Variants in SCUBE1 observed in about 807,000 individuals in gnomAD.
SCUBE1 encodes the protein signal peptide, CUB and EGF-like domain-containing protein 1.
In SCUBE1, 59 loss-of-function variants were observed where a neutral mutation model predicts 124.4. That is an observed-to-expected ratio of 0.47 (90% CI 0.38 to 0.59). The LOEUF (loss-of-function observed/expected upper bound fraction) is 0.59, where lower values mean the gene tolerates loss of function less well. Among genes scored for constraint, SCUBE1 ranks in the 20% least tolerant of loss-of-function variants. The pLI, the probability that SCUBE1 is intolerant of heterozygous loss-of-function variation, is 0.00. For missense variants in SCUBE1, 1,150 were observed against 1,371.2 expected, an observed-to-expected ratio of 0.84 and a Z score of 2.55; for synonymous variants, 545 against 550.9, an observed-to-expected ratio of 0.99 and a Z score of 0.15.
At chr22:43,274,627 G>A (rs1274896094) in intron 4 of SCUBE1, among the ~76,000 whole-genome samples, 1 of 152,246 alleles carries the variant, frequency 6.6e-6, no homozygotes, top group Non-Finnish European at 1.5e-5. Context: ...TGTTCCCACA[G>A]CAGCCCTGGG....
At chr22:43,277,431 GGCAGC>G (rs1384820748) in intron 4 of SCUBE1, among the ~76,000 whole-genome samples, 4 of 152,184 alleles carry the variant, frequency 2.6e-5, no homozygotes, top group African/African-American at 9.7e-5. Flanking sequence ...GGCAAAAGAC[GGCAGC>G]GCAGCCCTAG....
chr22:43,277,679 C>G (rs1924587308), intron 4 of SCUBE1, among the ~76,000 whole-genome samples: 1 of 152,256 alleles, frequency 6.6e-6, no homozygotes, highest in African/African-American at 2.4e-5. Flanking sequence ...ATGACACAGA[C>G]TGTTCTCAGG....
intron 10 of SCUBE1, among the ~76,000 whole-genome samples, chr22:43,224,507 G>A (rs563159767): frequency 1.3e-5 from 2 of 152,298 alleles, no homozygotes; most frequent in South Asian, 2.1e-4. Context: ...GGGACCAGAT[G>A]GCGACACAGG....
chr22:43,198,144 G>T lies in SCUBE1; in HGVS notation c.*5853C>A, dbSNP rs1920954873. The T allele has an allele frequency of 4.6e-6, 1 of 216,400 alleles. No homozygotes were observed. The highest frequency in any genetic ancestry group is 2.3e-5 in the African/African-American group (1 of 43,414). The allele number at this position is 216,400 out of a possible 1,614,324, so 13.4% of individuals were successfully genotyped here. A position where few individuals can be genotyped will look rare whatever the true frequency, so the allele number is the denominator to read the frequency against. On this transcript the variant is annotated 3_prime_UTR_variant, in exon 22 of 22. Coordinates refer to ENST00000360835, the MANE Select transcript of SCUBE1 (RefSeq NM_173050.5). ...CCCACCATCTACATGGGGCTGGGGG[G>T]ATGGAATGTGTGGATATTAGAGGGT...
intron 4 of SCUBE1, among the ~76,000 whole-genome samples, chr22:43,280,813 C>T (rs1238202616): frequency 1.3e-4 from 16 of 127,422 alleles, no homozygotes; most frequent in African/African-American, 4.3e-4. Context: ...TCACCTCCCT[C>T]AGCCATCCTC....
intron 3 of SCUBE1, among the ~76,000 whole-genome samples, chr22:43,303,933 T>C (rs1925868165): frequency 6.6e-6 from 1 of 152,252 alleles, no homozygotes; most frequent in African/African-American, 2.4e-5. Context: ...CCTTCAGTGC[T>C]GTGGCTTGGC....
In SCUBE1 at chr22:43,203,388, A is replaced by T. The variant is rs1462427762; in HGVS notation, c.*609T>A. 1 of 147,564 alleles carries T rather than the reference A, an allele frequency of 6.8e-6. No homozygotes were observed. The highest frequency in any genetic ancestry group is 1.5e-5 in the Non-Finnish European group (1 of 67,038). The allele number at this position is 147,564 out of a possible 1,614,324, so 9.1% of individuals were successfully genotyped here. ...TATATATATATTTATATATATATTT[A>T]TATATATATATAGAGTACTTCATTA... On this transcript the variant is annotated 3_prime_UTR_variant, in exon 22 of 22. Coordinates refer to ENST00000360835, the MANE Select transcript of SCUBE1 (RefSeq NM_173050.5).
In SCUBE1 at chr22:43,325,696, C is replaced by T. The variant is rs376727870; in HGVS notation, c.221-5631G>A. Among the ~76,000 whole-genome samples the T allele has an allele frequency of 2.0e-4, 31 of 152,134 alleles. 1 individual carries two copies. Among genetic ancestry groups the T allele is most frequent in the African/African-American group, 7.5e-4 (31 of 41,500 alleles). On this transcript the variant is annotated intron_variant, in intron 2 of 21. Coordinates refer to ENST00000360835, the MANE Select transcript of SCUBE1 (RefSeq NM_173050.5). The stretch of plus-strand genomic sequence containing the variant: ...GCAATTCACTCCAAGCATCCCTGTT[C>T]CTTCCCCTGCTTGGATTTTTTTTTG...
intron 6 of SCUBE1, among the ~76,000 whole-genome samples, chr22:43,249,123 G>A (rs1923336146): frequency 1.3e-5 from 2 of 152,124 alleles, no homozygotes; most frequent in African/African-American, 4.8e-5. Context: ...GTAGAGAGAA[G>A]AGGATGTGAC....
chr22:43,282,365 C>G (rs1924949950), intron 4 of SCUBE1: 1 of 152,338 alleles, frequency 6.6e-6, no homozygotes, highest in African/African-American at 2.4e-5. Flanking sequence ...TCTCTCTGCT[C>G]CAGACATCAT....
chr22:43,226,126 G>A (rs1922292247), intron 10 of SCUBE1, among the ~76,000 whole-genome samples: 3 of 152,248 alleles, frequency 2.0e-5, no homozygotes. Context: ...GTCAGGGTCT[G>A]TTCCAGGTGC....
chr22:43,246,136 G>C (rs141839296), intron 6 of SCUBE1, among the ~76,000 whole-genome samples: 1 of 152,182 alleles, frequency 6.6e-6, no homozygotes, highest in Non-Finnish European at 1.5e-5. Context: ...TTGGAGGACA[G>C]GGAGGTTTCA....
intron 2 of SCUBE1, among the ~76,000 whole-genome samples, chr22:43,327,140 G>A (rs1926753092): frequency 6.6e-6 from 1 of 152,160 alleles, no homozygotes; most frequent in Non-Finnish European, 1.5e-5. Flanking sequence ...CTCATGACAT[G>A]TCAGGCAGTC....
intron 10 of SCUBE1, among the ~76,000 whole-genome samples, chr22:43,225,444 T>C (rs1167099515): frequency 6.6e-6 from 1 of 151,670 alleles, no homozygotes; most frequent in Admixed American, 6.6e-5. Context: ...GTTAGGATCT[T>C]GGATGGAAGA....
chr22:43,215,782 T>G (rs970788440), intron 15 of SCUBE1, among the ~76,000 whole-genome samples: 2 of 152,128 alleles, frequency 1.3e-5, no homozygotes, highest in African/African-American at 4.8e-5. Context: ...GAGGGTGACA[T>G]GTCTTTCTGG....
At position 43,211,694 on chromosome 22, in the gene SCUBE1, A is replaced by AT. The variant is rs551663164; in HGVS notation, c.2222-612dup. ...ACCACACCCGGCTAATTATTTTTGT[A>AT]TTTTTTTTAAGTAGAGACAGGGTTT... On this transcript the variant is annotated intron_variant, in intron 17 of 21. Coordinates refer to ENST00000360835, the MANE Select transcript of SCUBE1 (RefSeq NM_173050.5). This position sits in a 1 kb window ranked among gnomAD's most constrained non-coding sequence, Gnocchi z 4.5. Among the ~76,000 whole-genome samples the AT allele has an allele frequency of 1.1e-4, 17 of 151,492 alleles. No individual in the cohort carries two copies. The highest frequency in any genetic ancestry group is 3.4e-3 in the Middle Eastern group (1 of 292).
intron 4 of SCUBE1, among the ~76,000 whole-genome samples, chr22:43,281,585 CTT>C (rs1924906156): frequency 7.4e-6 from 1 of 135,488 alleles, no homozygotes; most frequent in Non-Finnish European, 1.5e-5. Flanking sequence ...TGTCACCTCC[CTT>C]CTCAGCCACC....
At position 43,203,476 on chromosome 22, in the gene SCUBE1, A is replaced by T. The variant is rs1040000941; in HGVS notation, c.*521T>A. 1 of 153,288 alleles carries T rather than the reference A, an allele frequency of 6.5e-6. No individual in the cohort carries two copies. The highest frequency in any genetic ancestry group is 1.4e-5 in the Non-Finnish European group (1 of 68,990). 9.5% of individuals were successfully genotyped at this position (153,288 alleles called of 1,614,324 possible). ...CTCCCCAGCAGCTCTGTTCCATCCAATCACAGAACCCTTAGAGCGCAACAG... is the reference window on the plus strand; with the variant it reads ...CTCCCCAGCAGCTCTGTTCCATCCATTCACAGAACCCTTAGAGCGCAACAG... On this transcript the variant is annotated 3_prime_UTR_variant, in exon 22 of 22. Transcript: ENST00000360835.
intron 5 of SCUBE1, among the ~76,000 whole-genome samples, chr22:43,259,735 C>T (rs140555369): frequency 7.9e-4 from 121 of 152,336 alleles, no homozygotes; most frequent in Non-Finnish European, 1.3e-3. Flanking sequence ...CTGTCCGCTG[C>T]AACCAGAGGC....
Sources: gnomAD v4.1 joint callset for allele counts (sites outside exome capture counted in the v4.1 genomes callset) on GRCh38, gnomAD v4.1.1 for gene constraint, Gnocchi (gnomAD v3.1) non-coding constraint, MANE v1.5 for transcripts, NCBI Gene and HGNC (gene_info 2026-07-23, HGNC 2026-07-21) for gene names.